The following DLG2 variants were observed in gnomAD, a reference collection of about 807,000 sequenced individuals.
The protein encoded by DLG2 is discs large MAGUK scaffold protein 2.
Under a neutral mutation model 132.5 loss-of-function variants are expected in DLG2, and 45 were observed. The observed-to-expected ratio is 0.34, with a 90% CI of 0.27 to 0.44. The LOEUF (loss-of-function observed/expected upper bound fraction) is 0.44. DLG2 is among the 20% of genes least tolerant of loss of function. The pLI is 1.00. For synonymous variants in DLG2, 424 were observed against 419.6 expected (o/e 1.01, Z -0.13); for missense variants, 1,045 against 1,196.9 (o/e 0.87, Z 1.87).
intron 7 of DLG2, among the ~76,000 whole-genome samples, chr11:84,378,804 G>A (rs2098739261): frequency 6.6e-6 from 1 of 151,408 alleles, no homozygotes; most frequent in Non-Finnish European, 1.5e-5. Flanking sequence ...AATTAGTTGG[G>A]CGTGGTGGCG....
chr11:85,458,471 G>T (rs2092491426), intron 3 of DLG2, among the ~76,000 whole-genome samples: 1 of 152,096 alleles, frequency 6.6e-6, no homozygotes, highest in Non-Finnish European at 1.5e-5. Context: ...AATACCTGCT[G>T]GGGAACTAGT....
At chr11:84,740,491 C>T (rs917311040) in intron 6 of DLG2, among the ~76,000 whole-genome samples, 4 of 151,936 alleles carry the variant, frequency 2.6e-5, no homozygotes, top group African/African-American at 9.7e-5. Flanking sequence ...TGTGCTAAGC[C>T]CTACCCAGCC....
chr11:84,861,888 G>T (rs565823598), intron 6 of DLG2, among the ~76,000 whole-genome samples: 45 of 151,960 alleles, frequency 3.0e-4, no homozygotes, highest in African/African-American at 1.1e-3. Flanking sequence ...CCTTTGTAGG[G>T]ACATGGATGA....
chr11:84,294,092 C>A (rs2098051848), intron 7 of DLG2, among the ~76,000 whole-genome samples: 2 of 152,116 alleles, frequency 1.3e-5, no homozygotes, highest in Non-Finnish European at 2.9e-5. Flanking sequence ...CACTGTAACA[C>A]AATAGGAGGT....
intron 6 of DLG2, among the ~76,000 whole-genome samples, chr11:84,969,632 A>G (rs2053796002): frequency 6.6e-6 from 1 of 152,208 alleles, no homozygotes; most frequent in Non-Finnish European, 1.5e-5. Context: ...CTAGAAAAAT[A>G]AGTTGTCTCT....
In DLG2 at chr11:83,633,199, T is replaced by A; in HGVS notation, c.1940+12A>T. On this transcript the variant is annotated intron_variant, in intron 19 of 27. Coordinates refer to ENST00000376104, the MANE Select transcript of DLG2 (RefSeq NM_001142699.3). ...TCACAAAGTGCAGATAGAGAAATAC[T>A]CCTTTGCCTACCTGACGTAGAGGGA... 1 of 1,611,978 alleles carries A rather than the reference T, an allele frequency of 6.2e-7. No individual in the cohort carries two copies. The highest frequency in any genetic ancestry group is 8.5e-7 in the Non-Finnish European group (1 of 1,178,174).
At chr11:85,007,664 C>CAAAAAAAAAAA (rs57188165) in intron 6 of DLG2, among the ~76,000 whole-genome samples, 10 of 88,532 alleles carry the variant, frequency 1.1e-4, no homozygotes, top group Non-Finnish European at 2.0e-4. Flanking sequence ...GACTCCGTCT[C>CAAAAAAAAAAA]AAAAAAAAAA....
At chr11:84,960,559 C>A (rs1441844099) in intron 6 of DLG2, among the ~76,000 whole-genome samples, 1 of 151,904 alleles carries the variant, frequency 6.6e-6, no homozygotes, top group African/African-American at 2.4e-5. Context: ...CCTCAGCCTC[C>A]CGAGTAGCTG....
intron 3 of DLG2, among the ~76,000 whole-genome samples, chr11:85,334,060 CT>C (rs1478909393): frequency 6.6e-6 from 1 of 152,064 alleles, no homozygotes; most frequent in Non-Finnish European, 1.5e-5. Flanking sequence ...CCATTTCATC[CT>C]GGGCTTTTTC....
At chr11:84,544,318 A>C (rs1332916877) in intron 6 of DLG2, among the ~76,000 whole-genome samples, 4 of 152,354 alleles carry the variant, frequency 2.6e-5, no homozygotes, top group Non-Finnish European at 5.9e-5. Flanking sequence ...ACGAGTATGG[A>C]ATTGCAAAAT....
intron 18 of DLG2, among the ~76,000 whole-genome samples, chr11:83,753,820 A>G (rs12800326): frequency 7.6e-4 from 53 of 69,996 alleles, no homozygotes; most frequent in South Asian, 9.6e-4. Flanking sequence ...TCATATATAT[A>G]TTTCATATAT....
chr11:84,126,265 T>C (rs2094168152), intron 9 of DLG2, among the ~76,000 whole-genome samples: 1 of 152,192 alleles, frequency 6.6e-6, no homozygotes, highest in African/African-American at 2.4e-5. Context: ...GACTCTTTTA[T>C]GTTAGCGAAG....
chr11:84,416,760 A>G lies in DLG2; in HGVS notation c.519+117810T>C, dbSNP rs763762620. Among the ~76,000 whole-genome samples the G allele has an allele frequency of 4.2e-4, 64 of 152,246 alleles. 1 individual carries two copies. The highest frequency in any genetic ancestry group is 3.3e-4 in the Admixed American group (5 of 15,288). ...TAAATGAGATAATATAAAGCATTACATTAACACAAGATCTCACACAGTATA... is the reference window on the plus strand; with the variant it reads ...TAAATGAGATAATATAAAGCATTACGTTAACACAAGATCTCACACAGTATA... On this transcript the variant is annotated intron_variant, in intron 7 of 27. Transcript: ENST00000376104.
intron 8 of DLG2, among the ~76,000 whole-genome samples, chr11:84,197,036 C>CAAAAA (rs60877284): frequency 5.2e-4 from 46 of 87,894 alleles, no homozygotes; most frequent in African/African-American, 1.0e-3. Context: ...GACTCTTTCT[C>CAAAAA]AAAAAAAAAA....
chr11:83,556,899 GCTGT>G (rs1446759732), intron 19 of DLG2, among the ~76,000 whole-genome samples: 6 of 152,144 alleles, frequency 3.9e-5, no homozygotes, highest in Admixed American at 3.3e-4. Flanking sequence ...AGGCATTCAG[GCTGT>G]CTAACTGACC....
intron 4 of DLG2, among the ~76,000 whole-genome samples, chr11:85,191,150 G>A (rs61907835): frequency 1.0e-4 from 13 of 125,970 alleles, no homozygotes; most frequent in South Asian, 5.5e-4. Context: ...GCATGCGCGC[G>A]CGCGCACGCG....
At chr11:84,105,269 G>T (rs2092822431) in intron 9 of DLG2, among the ~76,000 whole-genome samples, 1 of 152,102 alleles carries the variant, frequency 6.6e-6, no homozygotes, top group Admixed American at 6.5e-5. Flanking sequence ...TTTTAACCTG[G>T]GTTTGCACAC....
chr11:84,478,032 C>A (rs2099126505), intron 7 of DLG2, among the ~76,000 whole-genome samples: 1 of 152,040 alleles, frequency 6.6e-6, no homozygotes, highest in Admixed American at 6.6e-5. Context: ...CAAGAAACTC[C>A]AAAGTCACAC....
rs570509339 is a variant in DLG2 at position 84,676,631 on chromosome 11, A to C, written c.358-141900T>G. On this transcript the variant is annotated intron_variant, in intron 6 of 27. Coordinates refer to ENST00000376104, the MANE Select transcript of DLG2 (RefSeq NM_001142699.3). ...GGTGCCTTGAAATATTAACTAATTCATAAAATACTTTATGTGAAGCAACGT... is the reference window on the plus strand; with the variant it reads ...GGTGCCTTGAAATATTAACTAATTCCTAAAATACTTTATGTGAAGCAACGT... 2.6e-5 allele frequency among the ~76,000 whole-genome samples: 4 copies of C among 152,234 alleles called. No individual in the cohort carries two copies. In the East Asian group the frequency reaches 7.7e-4, roughly 29 times the overall value.
Sources: gnomAD v4.1 joint callset for allele counts (sites outside exome capture counted in the v4.1 genomes callset) on GRCh38, gnomAD v4.1.1 for gene constraint, MANE v1.5 for transcripts, NCBI Gene and HGNC (gene_info 2026-07-23, HGNC 2026-07-21) for gene names.